PTPRD: variants seen among roughly 807,000 people sequenced by gnomAD.
PTPRD encodes the protein protein tyrosine phosphatase receptor type D.
PTPRD carries 34 observed loss-of-function variants against 214.5 expected under a neutral mutation model. That is an observed-to-expected ratio of 0.16 (90% CI 0.12 to 0.21). PTPRD has a LOEUF of 0.21. PTPRD is among the 10% of genes least tolerant of loss of function. The probability of loss-of-function intolerance (pLI) is 1.00; values close to 1 mark genes in which losing one functional copy is unlikely to be tolerated. For missense variants in PTPRD, 2,545 were observed against 2,398.7 expected (o/e 1.06, Z -1.27); for synonymous variants, 1,128 against 845.7 (o/e 1.33, Z -5.79).
At chr9:9,647,386 C>T (rs1329295871) in intron 7 of PTPRD, among the ~76,000 whole-genome samples, 3 of 151,850 alleles carry the variant, frequency 2.0e-5, no homozygotes, top group Admixed American at 1.3e-4. Flanking sequence ...TTTTTTTATG[C>T]CTTGTATTCT....
chr9:8,464,812 T>C lies in PTPRD; in HGVS notation c.3714+654A>G, dbSNP rs1272658309. On this transcript the variant is annotated intron_variant, in intron 32 of 45. Transcript: ENST00000381196. The stretch of plus-strand genomic sequence containing the variant: ...AGAAAACTCATTATTTAGAATACCT[T>C]AGGAATTCTCTCTTTTATTAAATTA... Among the ~76,000 whole-genome samples, 3 of 151,234 alleles carry C rather than the reference T, an allele frequency of 2.0e-5. No individual in the cohort carries two copies. In the East Asian group the frequency reaches 5.8e-4, roughly 29 times the overall value.
intron 21 of PTPRD, among the ~76,000 whole-genome samples, chr9:8,516,765 C>G (rs914832682): frequency 1.4e-5 from 2 of 144,258 alleles, no homozygotes; most frequent in East Asian, 4.1e-4. Flanking sequence ...AATAAGGAGT[C>G]AAAGAAGTAG....
intron 9 of PTPRD, among the ~76,000 whole-genome samples, chr9:9,288,613 A>G (rs902914445): frequency 6.6e-6 from 1 of 151,956 alleles, no homozygotes; most frequent in South Asian, 2.1e-4. Context: ...TATCTGTATT[A>G]CAAAAAGCTA....
At chr9:10,065,175 GAAA>G (rs2097853894) in intron 3 of PTPRD, among the ~76,000 whole-genome samples, 6 of 151,408 alleles carry the variant, frequency 4.0e-5, no homozygotes, top group South Asian at 2.1e-4. Context: ...AAGAAAGAAA[GAAA>G]GAAAGAAAGA....
At chr9:9,249,395 T>G (rs2099974487) in intron 9 of PTPRD, among the ~76,000 whole-genome samples, 2 of 152,098 alleles carry the variant, frequency 1.3e-5, no homozygotes, top group African/African-American at 4.8e-5. Flanking sequence ...ATTCCTTTAG[T>G]GCAATGCAAA....
chr9:8,803,726 C>T (rs1017472662), intron 11 of PTPRD, among the ~76,000 whole-genome samples: 1 of 150,592 alleles, frequency 6.6e-6, no homozygotes, highest in Non-Finnish European at 1.5e-5. Flanking sequence ...AGAGTGATAC[C>T]CTGTCTCAAA....
chr9:8,515,939 A>G (rs1203680711), intron 21 of PTPRD, among the ~76,000 whole-genome samples: 1 of 152,182 alleles, frequency 6.6e-6, no homozygotes, highest in Non-Finnish European at 1.5e-5. Context: ...GTTCAGAGAG[A>G]GATGACATAA....
chr9:8,969,704 A>G (rs755274169), intron 11 of PTPRD, among the ~76,000 whole-genome samples: 2 of 151,986 alleles, frequency 1.3e-5, no homozygotes, highest in African/African-American at 2.4e-5. Flanking sequence ...AAATGGATGG[A>G]TCGATGGGTA....
At chr9:9,764,130 T>C (rs1387178978) in intron 6 of PTPRD, among the ~76,000 whole-genome samples, 2 of 152,232 alleles carry the variant, frequency 1.3e-5, no homozygotes, top group Non-Finnish European at 2.9e-5. Flanking sequence ...ATAATGTATC[T>C]GTTTCTTCTT....
intron 7 of PTPRD, among the ~76,000 whole-genome samples, chr9:9,719,743 T>C (rs562478760): frequency 6.6e-6 from 1 of 152,304 alleles, no homozygotes; most frequent in East Asian, 1.9e-4. Context: ...GGCTGTGTCA[T>C]TCGGTAACAC....
intron 5 of PTPRD, among the ~76,000 whole-genome samples, chr9:9,896,695 A>T (rs560400548): frequency 1.3e-5 from 2 of 152,228 alleles, no homozygotes; most frequent in East Asian, 3.9e-4. Context: ...TTACAAAAGA[A>T]TACTTTAAAG....
chr9:8,948,297 C>T (rs200311259), intron 11 of PTPRD, among the ~76,000 whole-genome samples: 7 of 143,560 alleles, frequency 4.9e-5, no homozygotes, highest in African/African-American at 1.6e-4. Flanking sequence ...GGATTACCGG[C>T]GTGAGCCACC....
At chr9:10,296,951 C>A (rs2095692969) in intron 3 of PTPRD, among the ~76,000 whole-genome samples, 1 of 151,718 alleles carries the variant, frequency 6.6e-6, no homozygotes, top group African/African-American at 2.4e-5. Context: ...ATTTCCCATT[C>A]TTCATTAGAA....
chr9:9,355,131 T>C (rs543758775), intron 9 of PTPRD, among the ~76,000 whole-genome samples: 1 of 151,802 alleles, frequency 6.6e-6, no homozygotes, highest in Non-Finnish European at 1.5e-5. Flanking sequence ...GGTATACACT[T>C]GTGTTACTAT....
At chr9:9,387,034 G>A (rs1197658699) in intron 9 of PTPRD, among the ~76,000 whole-genome samples, 19 of 152,200 alleles carry the variant, frequency 1.2e-4, no homozygotes, top group East Asian at 3.9e-4. Context: ...GGACTTTGAT[G>A]TGAGTGCAGG....
intron 11 of PTPRD, among the ~76,000 whole-genome samples, chr9:8,874,398 T>C (rs1389379333): frequency 6.6e-6 from 1 of 152,182 alleles, no homozygotes; most frequent in African/African-American, 2.4e-5. Flanking sequence ...TATCACCAAA[T>C]GAACCTGGGA....
intron 42 of PTPRD, among the ~76,000 whole-genome samples, chr9:8,339,293 A>C (rs1850068698): frequency 6.6e-6 from 1 of 152,114 alleles, no homozygotes; most frequent in African/African-American, 2.4e-5. Flanking sequence ...GTAGCTGCTT[A>C]ATATACACGA....
At chr9:9,329,424 G>A (rs1355327544) in intron 9 of PTPRD, among the ~76,000 whole-genome samples, 1 of 152,034 alleles carries the variant, frequency 6.6e-6, no homozygotes, top group Non-Finnish European at 1.5e-5. Context: ...CCTTTACTGT[G>A]AGATAACAGT....
intron 8 of PTPRD, among the ~76,000 whole-genome samples, chr9:9,467,031 T>G (rs565766190): frequency 1.3e-5 from 2 of 152,142 alleles, no homozygotes; most frequent in Non-Finnish European, 2.9e-5. Flanking sequence ...AAGATGAAAT[T>G]TATTTTTTAC....
Sources: gnomAD v4.1 joint callset for allele counts (sites outside exome capture counted in the v4.1 genomes callset) on GRCh38, gnomAD v4.1.1 for gene constraint, MANE v1.5 for transcripts, NCBI Gene and HGNC (gene_info 2026-07-23, HGNC 2026-07-21) for gene names.